Variants in DENND1B observed in about 807,000 individuals in gnomAD.
DENND1B encodes DENN domain containing 1B.
A neutral mutation model predicts 90.1 loss-of-function variants in DENND1B; 59 were observed. The observed-to-expected ratio is 0.65, with a 90% CI of 0.53 to 0.81. DENND1B has a LOEUF of 0.81. Among genes scored for constraint, DENND1B ranks in the 40% least tolerant of loss-of-function variants. DENND1B has a pLI of 0.00. For synonymous variants in DENND1B, 337 were observed against 324.6 expected (o/e 1.04, Z -0.41); for missense variants, 862 against 912.6 (o/e 0.94, Z 0.71).
At chr1:197,776,828 A>C (rs953680469), upstream of DENND1B, among the ~76,000 whole-genome samples, 6 of 152,252 alleles carry the variant, frequency 3.9e-5, no homozygotes, top group African/African-American at 1.4e-4. Context: ...ACAAACAAAA[A>C]AAAAATGTGT....
intron 1 of DENND1B, among the ~76,000 whole-genome samples, chr1:197,773,495 T>C (rs1656878208): frequency 1.3e-5 from 2 of 152,220 alleles, no homozygotes; most frequent in African/African-American, 4.8e-5. Flanking sequence ...CATATACTTT[T>C]CTTAAAATGT....
chr1:197,675,288 G>A (rs953444025), intron 3 of DENND1B, among the ~76,000 whole-genome samples: 1 of 152,062 alleles, frequency 6.6e-6, no homozygotes, highest in Non-Finnish European at 1.5e-5. Flanking sequence ...ATATAGCATT[G>A]AGTGTTTTAA....
intron 3 of DENND1B, among the ~76,000 whole-genome samples, chr1:197,708,093 G>A (rs1426766833): frequency 2.3e-5 from 3 of 132,002 alleles, no homozygotes; most frequent in Non-Finnish European, 4.8e-5. Flanking sequence ...ACGGAATCGC[G>A]CTGATTGCTA....
chr1:197,638,590 C>A (rs1304490638), intron 10 of DENND1B, among the ~76,000 whole-genome samples: 2 of 152,180 alleles, frequency 1.3e-5, no homozygotes, highest in Non-Finnish European at 2.9e-5. Context: ...ATTTGAGAAC[C>A]ACTGACATGG....
intron 10 of DENND1B, among the ~76,000 whole-genome samples, chr1:197,640,398 G>A (rs548901898): frequency 6.6e-6 from 1 of 151,574 alleles, no homozygotes; most frequent in Admixed American, 6.6e-5. Context: ...TCTTGAACCT[G>A]GAAGGCAGAG....
intron 3 of DENND1B, among the ~76,000 whole-genome samples, chr1:197,695,836 A>G (rs546338775): frequency 2.6e-5 from 4 of 151,302 alleles, no homozygotes; most frequent in Non-Finnish European, 4.5e-5. Flanking sequence ...TGAATAATTT[A>G]TATCTTCTTT....
intron 14 of DENND1B, among the ~76,000 whole-genome samples, chr1:197,589,743 A>C (rs1675021377): frequency 6.6e-6 from 1 of 152,178 alleles, no homozygotes; most frequent in African/African-American, 2.4e-5. Flanking sequence ...CAAACGGAGG[A>C]CCGGATTACT....
chr1:197,666,145 G>A (rs1335015569), intron 5 of DENND1B, among the ~76,000 whole-genome samples: 4 of 152,138 alleles, frequency 2.6e-5, no homozygotes, highest in African/African-American at 7.2e-5. Flanking sequence ...ATATTTTTGT[G>A]TGAAATCTCA....
At chr1:197,755,557 A>G (rs1213275425) in intron 2 of DENND1B, among the ~76,000 whole-genome samples, 1 of 152,230 alleles carries the variant, frequency 6.6e-6, no homozygotes, top group Non-Finnish European at 1.5e-5. Context: ...AAGGAAATAA[A>G]ATGAGCTTAA....
At chr1:197,657,139 T>C (rs1016080609) in intron 6 of DENND1B, among the ~76,000 whole-genome samples, 2 of 152,106 alleles carry the variant, frequency 1.3e-5, no homozygotes, top group African/African-American at 2.4e-5. Flanking sequence ...AGGCAAACCA[T>C]AGATTGGGAT....
intron 2 of DENND1B, among the ~76,000 whole-genome samples, chr1:197,758,477 TGAA>T (rs1266555956): frequency 6.6e-6 from 1 of 152,238 alleles, no homozygotes; most frequent in Non-Finnish European, 1.5e-5. Flanking sequence ...GTGCAATTTA[TGAA>T]GCATTTTCAT....
At position 197,507,383 on chromosome 1, in the gene DENND1B, G is replaced by A. The variant is rs1050865198; in HGVS notation, c.*3077C>T. The stretch of plus-strand genomic sequence containing the variant: ...TGAAAAAATAATCATGCTATGTTTT[G>A]GTGCTTTTCTAAGACACATTAAAGT... On this transcript the variant is annotated 3_prime_UTR_variant, in exon 23 of 23. Transcript: ENST00000620048. 7 of 150,782 alleles carry A rather than the reference G, an allele frequency of 4.6e-5. No homozygotes were observed. The highest frequency in any genetic ancestry group is 1.7e-4 in the African/African-American group (7 of 41,118). The allele number at this position is 150,782 out of a possible 1,614,324, so 9.3% of individuals were successfully genotyped here.
At chr1:197,559,631 TA>T in intron 15 of DENND1B, among the ~76,000 whole-genome samples, 1 of 151,980 alleles carries the variant, frequency 6.6e-6, no homozygotes, top group East Asian at 1.9e-4. Context: ...TAAGGAAAAA[TA>T]AATACAGTAA....
At chr1:197,626,878 C>A (rs1273211081) in intron 10 of DENND1B, among the ~76,000 whole-genome samples, 1 of 152,010 alleles carries the variant, frequency 6.6e-6, no homozygotes, top group Admixed American at 6.6e-5. Flanking sequence ...TACAAACTAC[C>A]ATCAAAGAAT....
At chr1:197,694,848 T>TA (rs1658269237) in intron 3 of DENND1B, among the ~76,000 whole-genome samples, 3 of 151,392 alleles carry the variant, frequency 2.0e-5, no homozygotes, top group Non-Finnish European at 4.5e-5. Flanking sequence ...CTCATTAAAG[T>TA]AAAAATCTGT....
intron 3 of DENND1B, among the ~76,000 whole-genome samples, chr1:197,700,487 T>C (rs1198849815): frequency 1.3e-5 from 2 of 152,060 alleles, no homozygotes; most frequent in East Asian, 3.9e-4. Flanking sequence ...GATTTAAATG[T>C]AAAACCAAAA....
chr1:197,767,369 A>G (rs528509976), intron 2 of DENND1B, among the ~76,000 whole-genome samples: 68 of 152,242 alleles, frequency 4.5e-4, no homozygotes, highest in African/African-American at 1.4e-3. Context: ...TGCAAAAAGT[A>G]AGTTTAGAGA....
Position 197,529,354 on chromosome 1 carries a change from G to A in DENND1B, c.1515+10610C>T, listed in dbSNP as rs554132883. 2.2e-4 allele frequency among the ~76,000 whole-genome samples: 33 copies of A among 150,130 alleles called. 1 individual carries two copies. Among genetic ancestry groups the A allele is most frequent in the African/African-American group, 6.6e-4 (27 of 40,684 alleles). On this transcript the variant is annotated intron_variant, in intron 20 of 22. Transcript: ENST00000620048. ...TATATGTGTGTGTGTGTGTGTGCAC[G>A]CGCGCACATGTGTATGTGTGGGTGG...
At chr1:197,613,242 A>T (rs1677337972) in intron 11 of DENND1B, among the ~76,000 whole-genome samples, 1 of 150,784 alleles carries the variant, frequency 6.6e-6, no homozygotes, top group African/African-American at 2.4e-5. Context: ...AAGTAACCTT[A>T]AAAAGTTCCA....
Sources: gnomAD v4.1 joint callset for allele counts (sites outside exome capture counted in the v4.1 genomes callset) on GRCh38, gnomAD v4.1.1 for gene constraint, MANE v1.5 for transcripts, NCBI Gene and HGNC (gene_info 2026-07-23, HGNC 2026-07-21) for gene names.